SPTA1: variants seen among roughly 807,000 people sequenced by gnomAD.
SPTA1 encodes the protein spectrin alpha, erythrocytic 1, also known as spectrin alpha chain, erythrocytic 1.
Under a neutral mutation model 324.7 loss-of-function variants are expected in SPTA1, and 177 were observed. The observed-to-expected ratio is 0.55, with a 90% CI of 0.48 to 0.62. SPTA1 has a LOEUF of 0.62. SPTA1 is among the 20% of genes least tolerant of loss of function. SPTA1 has a pLI of 0.00. For synonymous variants in SPTA1, 1,195 were observed against 1,041.3 expected (o/e 1.15, Z -2.84); for missense variants, 3,162 against 2,883.6 (o/e 1.10, Z -2.21).
At chr1:158,636,600 G>A (rs758092659) in intron 37 of SPTA1, 41 bp downstream of exon 37, 10 of 1,610,176 alleles carry the variant, frequency 6.2e-6, no homozygotes, top group African/African-American at 1.3e-5. Flanking sequence ...GGTTGCTATA[G>A]GATGATTTCT....
Position 158,638,194 on chromosome 1 carries a change from G to C in SPTA1, c.5028C>G (p.Ser1676Arg), listed in dbSNP as rs746386862. ...CAATCTGATCAACGTTGAAAGTCCC[G>C]CTGGAGAGCAAATCTTCAGCCAATG... ...LNTLAEDLLS[S>R]GTFNVDQIVK... Residue 1676 changes from serine to arginine, a missense_variant, in exon 36 of 52, where the codon AGC (serine) becomes AGG (arginine). By Grantham distance (110) the Ser-to-Arg change is moderately radical. Coordinates refer to ENST00000643759, the MANE Select transcript of SPTA1 (RefSeq NM_003126.4). The C allele has an allele frequency of 6.2e-7, 1 of 1,613,654 alleles. No homozygotes were observed. The highest frequency in any genetic ancestry group is 1.7e-5 in the Admixed American group (1 of 59,938).
intron 6 of SPTA1, 128 bp from the exon 7 acceptor site, chr1:158,677,962 T>C: frequency 8.9e-7 from 1 of 1,124,408 alleles, no homozygotes; most frequent in Non-Finnish European, 1.3e-6. Context: ...TCCTACATAC[T>C]AGCAAAAAGT....
chr1:158,636,803 T>C, intron 36 of SPTA1, 42 bp from the exon 37 acceptor site: 1 of 1,612,316 alleles, frequency 6.2e-7, no homozygotes, highest in Non-Finnish European at 8.5e-7. Flanking sequence ...AGTCTAGACA[T>C]CTAATGTCAT....
intron 30 of SPTA1, 67 bp downstream of exon 30, chr1:158,644,186 A>T: frequency 6.3e-7 from 1 of 1,591,200 alleles, no homozygotes; most frequent in Non-Finnish European, 8.6e-7. Flanking sequence ...AAACCAGACA[A>T]ATGTGTAGGA....
intron 19 of SPTA1, among the ~76,000 whole-genome samples, chr1:158,656,992 G>A (rs1652877988): frequency 6.6e-6 from 1 of 152,124 alleles, no homozygotes; most frequent in South Asian, 2.1e-4. Flanking sequence ...ATAATTTCTA[G>A]TTCCAAAGGT....
intron 31 of SPTA1, 73 bp from the exon 32 acceptor site, chr1:158,643,049 T>C: frequency 6.3e-7 from 1 of 1,590,710 alleles, no homozygotes; most frequent in Non-Finnish European, 8.6e-7. Flanking sequence ...TCCATAAATC[T>C]TCCCATTTGC....
intron 35 of SPTA1, among the ~76,000 whole-genome samples, chr1:158,638,442 C>T (rs1651260959): frequency 6.6e-6 from 1 of 152,166 alleles, no homozygotes; most frequent in African/African-American, 2.4e-5. Context: ...GGTAGCATGA[C>T]TACATTACTC....
intron 20 of SPTA1, among the ~76,000 whole-genome samples, chr1:158,656,237 G>A (rs1460445131): frequency 6.6e-6 from 1 of 151,856 alleles, no homozygotes; most frequent in Non-Finnish European, 1.5e-5. Flanking sequence ...AACAAAAGAA[G>A]GGAGTAAAGA....
At chr1:158,680,101 T>C (rs547349777) in intron 5 of SPTA1, among the ~76,000 whole-genome samples, 2 of 152,138 alleles carry the variant, frequency 1.3e-5, no homozygotes, top group Non-Finnish European at 2.9e-5. Flanking sequence ...CTTAAGTAAA[T>C]AAAAGTAAAA....
At position 158,669,400 on chromosome 1, in the gene SPTA1, C is replaced by G; in HGVS notation, c.1833+8G>C. 1 of 1,614,092 alleles carries G rather than the reference C, an allele frequency of 6.2e-7. No individual in the cohort carries two copies. The highest frequency in any genetic ancestry group is 8.5e-7 in the Non-Finnish European group (1 of 1,179,952). On this transcript the variant is annotated splice_region_variant and intron_variant, in intron 14 of 51. Coordinates refer to ENST00000643759, the MANE Select transcript of SPTA1 (RefSeq NM_003126.4). ...TAACTACATCCAGCTCCTGAAAACT[C>G]TGCCTACCTTGTAATCTTCATCATC...
Position 158,618,172 on chromosome 1 carries a change from G to C in SPTA1, c.6531-116C>G, listed in dbSNP as rs1036297614. 3.4e-6 allele frequency: 4 copies of C among 1,171,198 alleles called. 1 individual carries two copies. The Admixed American group carries it at 7.2e-5, about 21-fold the overall frequency. The allele number at this position is 1,171,198 out of a possible 1,614,324, so 72.6% of individuals were successfully genotyped here. On this transcript the variant is annotated intron_variant, in intron 45 of 51. Coordinates refer to ENST00000643759, the MANE Select transcript of SPTA1 (RefSeq NM_003126.4). ...ATTTATGAAACATTTTAAATCTTTT[G>C]TTGCCACAAAACATGAATCTGTCCA... is the stretch of plus-strand genomic sequence containing the variant.
chr1:158,663,692 A>G (rs111418593), intron 16 of SPTA1, among the ~76,000 whole-genome samples: 332 of 152,286 alleles, frequency 2.2e-3, no homozygotes, highest in African/African-American at 7.7e-3. Context: ...TTCATTGGGT[A>G]TAAGAGTGGC....
At chr1:158,649,788 G>T in intron 25 of SPTA1, 68 bp downstream of exon 25, 1 of 1,265,908 alleles carries the variant, frequency 7.9e-7, no homozygotes, top group Non-Finnish European at 1.2e-6. Flanking sequence ...TTCCACCATA[G>T]TAATAGACTT....
intron 51 of SPTA1, chr1:158,612,088 T>C (rs1393186926): frequency 6.5e-6 from 1 of 154,510 alleles, no homozygotes; most frequent in Non-Finnish European, 1.4e-5. Flanking sequence ...TGACCCTTTG[T>C]AATCTGGTTT....
chr1:158,636,152 G>A (rs1040887324), intron 37 of SPTA1, 118 bp from the exon 38 acceptor site: 4 of 1,553,400 alleles, frequency 2.6e-6, no homozygotes, highest in Non-Finnish European at 2.7e-6. Context: ...AACTCCACGG[G>A]ACTTTGTGAG....
chr1:158,612,679 A>G (rs1649332276), intron 51 of SPTA1, 138 bp downstream of exon 51: 1 of 911,188 alleles, frequency 1.1e-6, no homozygotes, highest in Non-Finnish European at 1.8e-6. Context: ...TTACCAAAGC[A>G]AATGACATCT....
Position 158,671,473 on chromosome 1 carries a change from A to C in SPTA1, c.1489-20T>G, listed in dbSNP as rs1654021924. 6.3e-7 allele frequency: 1 copy of C among 1,591,756 alleles called. No homozygotes were observed. Among genetic ancestry groups the C allele is most frequent in the African/African-American group, 1.3e-5 (1 of 74,454 alleles). On this transcript the variant is annotated intron_variant, in intron 11 of 51. Coordinates refer to ENST00000643759, the MANE Select transcript of SPTA1 (RefSeq NM_003126.4). Reference sequence around the variant, plus strand: ...GAAGGCCTGTAGAAGACAGAAAGACACACCTAAGCTGTGTCTGACCGGTAA... The same window carrying C: ...GAAGGCCTGTAGAAGACAGAAAGACCCACCTAAGCTGTGTCTGACCGGTAA...
At position 158,638,143 on chromosome 1, in the gene SPTA1, C is replaced by T. The variant is rs1651225292; in HGVS notation, c.5079G>A (p.Lys1693=). Residue 1693 remains lysine, a synonymous_variant, in exon 36 of 52, where the codon AAG becomes AAA. Transcript: ENST00000643759. ...QIVKKKDNVN[K]RFLNVQELAA... ...CCAATTCTTGGACATTCAGGAAACG[C>T]TTGTTGACATTATCTTTTTTCTTCA... 1 of 1,613,914 alleles carries T rather than the reference C, an allele frequency of 6.2e-7. No homozygotes were observed. The highest frequency in any genetic ancestry group is 8.5e-7 in the Non-Finnish European group (1 of 1,179,986).
chr1:158,663,229 T>A (rs893372608), intron 16 of SPTA1, among the ~76,000 whole-genome samples: 1 of 152,082 alleles, frequency 6.6e-6, no homozygotes, highest in African/African-American at 2.4e-5. Context: ...AATTGCAGAG[T>A]TTGATTGTTT....
Sources: gnomAD v4.1 joint callset for allele counts (sites outside exome capture counted in the v4.1 genomes callset) on GRCh38, gnomAD v4.1.1 for gene constraint, MANE v1.5 for transcripts, NCBI Gene and HGNC (gene_info 2026-07-23, HGNC 2026-07-21) for gene names.